HAPLN1: variants seen among roughly 807,000 people sequenced by gnomAD.
The protein encoded by HAPLN1 is hyaluronan and proteoglycan link protein 1, also known as Cartilage link protein.
A neutral mutation model predicts 36.5 loss-of-function variants in HAPLN1; 13 were observed. That is an observed-to-expected ratio of 0.36 (90% CI 0.23 to 0.57). The LOEUF is 0.57. Ranked by LOEUF, HAPLN1 falls within the 20% of genes least tolerant of loss-of-function variation. The pLI, the probability that HAPLN1 is intolerant of heterozygous loss-of-function variation, is 0.83. For synonymous variants in HAPLN1, 202 were observed against 169.8 expected (o/e 1.19, Z -1.48); for missense variants, 407 against 439.7 (o/e 0.93, Z 0.66).
intron 1 of HAPLN1, among the ~76,000 whole-genome samples, chr5:83,692,958 C>A (rs1751314544): frequency 6.6e-6 from 1 of 151,584 alleles, no homozygotes; most frequent in Non-Finnish European, 1.5e-5. Flanking sequence ...TCTAAGACAC[C>A]CAGTGGATGT....
chr5:83,669,557 G>C (rs1326429320), intron 2 of HAPLN1, among the ~76,000 whole-genome samples: 4 of 152,094 alleles, frequency 2.6e-5, no homozygotes, highest in African/African-American at 9.7e-5. Flanking sequence ...ATTTTAAATT[G>C]TGAAATTAAA....
chr5:83,668,045 C>G (rs938929938), intron 2 of HAPLN1, among the ~76,000 whole-genome samples: 1 of 152,122 alleles, frequency 6.6e-6, no homozygotes, highest in African/African-American at 2.4e-5. Context: ...TGAACCAAAA[C>G]TTGATTAGAA....
chr5:83,684,077 GAA>G (rs1423435966), intron 1 of HAPLN1, among the ~76,000 whole-genome samples: 12 of 152,048 alleles, frequency 7.9e-5, no homozygotes, highest in African/African-American at 2.9e-4. Context: ...GAACATCTGC[GAA>G]GAGACCAGCA....
At chr5:83,682,830 T>G (rs1191810203) in intron 1 of HAPLN1, among the ~76,000 whole-genome samples, 1 of 152,088 alleles carries the variant, frequency 6.6e-6, no homozygotes, top group Non-Finnish European at 1.5e-5. Flanking sequence ...TCCTAATAGG[T>G]TTTTAAATTA....
intron 2 of HAPLN1, 52 bp downstream of exon 2, chr5:83,673,372 T>A: frequency 7.9e-7 from 1 of 1,272,990 alleles, no homozygotes; most frequent in Non-Finnish European, 1.1e-6. Context: ...ATCTCAACTC[T>A]AAGTAACTTA....
intron 1 of HAPLN1, among the ~76,000 whole-genome samples, chr5:83,677,389 C>A (rs1750884475): frequency 6.6e-6 from 1 of 152,160 alleles, no homozygotes; most frequent in Admixed American, 6.5e-5. Context: ...GCCAGTCTTG[C>A]ACCTCCTTTA....
At chr5:83,670,990 GCTTT>G (rs138693711) in intron 2 of HAPLN1, among the ~76,000 whole-genome samples, 70 of 151,980 alleles carry the variant, frequency 4.6e-4, no homozygotes, top group East Asian at 3.5e-3. Context: ...ACCATGCCTG[GCTTT>G]CTTTCTTTCT....
At chr5:83,659,480 G>C (rs1750320130) in intron 2 of HAPLN1, among the ~76,000 whole-genome samples, 1 of 152,018 alleles carries the variant, frequency 6.6e-6, no homozygotes, top group Admixed American at 6.6e-5. Context: ...GAAGTTGTGG[G>C]GAAAAGTGTG....
At chr5:83,700,753 G>A (rs752021906) in intron 1 of HAPLN1, among the ~76,000 whole-genome samples, 11 of 151,700 alleles carry the variant, frequency 7.3e-5, no homozygotes, top group Non-Finnish European at 1.5e-4. Flanking sequence ...GTTTAAGGGT[G>A]CAGATAGTCA....
chr5:83,638,953 T>A lies in HAPLN1; in HGVS notation c.*2543A>T, dbSNP rs558938419. The A allele has an allele frequency of 6.6e-6, 1 of 152,160 alleles. No individual in the cohort carries two copies. The highest frequency in any genetic ancestry group is 1.9e-4 in the East Asian group (1 of 5,176). The allele number at this position is 152,160 out of a possible 1,614,324, so 9.4% of individuals were successfully genotyped here. ...CCAGTGTTAATTATGGACAAATACA[T>A]TAAAACAAGGGTTCCTGGCCCAGCC... On this transcript the variant is annotated 3_prime_UTR_variant, in exon 5 of 5. Coordinates refer to ENST00000274341, the MANE Select transcript of HAPLN1 (RefSeq NM_001884.4).
intron 3 of HAPLN1, among the ~76,000 whole-genome samples, chr5:83,647,980 A>T (rs1051749127): frequency 2.0e-5 from 3 of 152,166 alleles, no homozygotes; most frequent in Non-Finnish European, 4.4e-5. Flanking sequence ...TCACCAATGG[A>T]AGATAAATAC....
rs539790396 is a variant in HAPLN1, at chr5:83,688,642, C to CTT, written c.-26-15095_-26-15094dup. 3.8e-3 allele frequency among the ~76,000 whole-genome samples: 310 copies of CTT among 80,564 alleles called. 43 individuals carry two copies. The highest frequency in any genetic ancestry group is 0.011 in the African/African-American group (205 of 19,092). 52.9% of individuals were successfully genotyped at this position (80,564 alleles called of 152,430 possible). On this transcript the variant is annotated intron_variant, in intron 1 of 4. Coordinates refer to ENST00000274341, the MANE Select transcript of HAPLN1 (RefSeq NM_001884.4). ...TATTTGCCAAATGCAGCTTTTGATT[C>CTT]TTTTTTTTTTTTTTTTTTTTTTTTT...
intron 2 of HAPLN1, among the ~76,000 whole-genome samples, chr5:83,670,874 T>C (rs1750695125): frequency 6.6e-6 from 1 of 152,082 alleles, no homozygotes; most frequent in Admixed American, 6.6e-5. Flanking sequence ...TTTGTATTTT[T>C]AGTAGAGACG....
chr5:83,672,859 T>A (rs1047376308), intron 2 of HAPLN1, among the ~76,000 whole-genome samples: 16 of 152,210 alleles, frequency 1.1e-4, no homozygotes, highest in Admixed American at 6.5e-4. Context: ...TGCATTGTAC[T>A]GCAGCCTCAA....
chr5:83,682,157 A>T (rs1209674894), intron 1 of HAPLN1, among the ~76,000 whole-genome samples: 2 of 152,200 alleles, frequency 1.3e-5, no homozygotes, highest in Non-Finnish European at 2.9e-5. Flanking sequence ...TAAACATTTC[A>T]TTAACGTTGG....
intron 3 of HAPLN1, among the ~76,000 whole-genome samples, chr5:83,647,064 A>C (rs1313949250): frequency 6.6e-6 from 1 of 152,194 alleles, no homozygotes; most frequent in Admixed American, 6.5e-5. Context: ...TTTCAGGTTT[A>C]AATTCACTGT....
intron 2 of HAPLN1, among the ~76,000 whole-genome samples, chr5:83,659,602 T>C (rs934248661): frequency 6.6e-6 from 1 of 152,016 alleles, no homozygotes; most frequent in African/African-American, 2.4e-5. Flanking sequence ...TAAAAATAAA[T>C]GTAGAAGTTG....
chr5:83,642,854 T>C (rs983214133), intron 4 of HAPLN1, among the ~76,000 whole-genome samples: 14 of 152,184 alleles, frequency 9.2e-5, no homozygotes, highest in African/African-American at 2.2e-4. Context: ...TGGGTCAAAA[T>C]TGGCCTCCTA....
At chr5:83,686,365 T>A (rs1386070356) in intron 1 of HAPLN1, among the ~76,000 whole-genome samples, 1 of 152,174 alleles carries the variant, frequency 6.6e-6, no homozygotes, top group African/African-American at 2.4e-5. Context: ...AAGACCAGCC[T>A]GTCAAATAGA....
Sources: gnomAD v4.1 joint callset for allele counts (sites outside exome capture counted in the v4.1 genomes callset) on GRCh38, gnomAD v4.1.1 for gene constraint, MANE v1.5 for transcripts, NCBI Gene and HGNC (gene_info 2026-07-23, HGNC 2026-07-21) for gene names.